The following SLCO1A2 variants were observed in gnomAD, a reference collection of about 807,000 sequenced individuals.
SLCO1A2 encodes OATP-1.
SLCO1A2 carries 67 observed loss-of-function variants against 69.0 expected under a neutral mutation model. That is an observed-to-expected ratio of 0.97 (90% confidence interval 0.80 to 1.19). SLCO1A2 has a LOEUF of 1.19. Among genes scored for constraint, SLCO1A2 ranks in the 50% most tolerant of loss-of-function variants. The probability of loss-of-function intolerance (pLI) is 0.00; values close to 1 mark genes in which losing one functional copy is unlikely to be tolerated. For synonymous variants in SLCO1A2, 260 were observed against 265.9 expected, an observed-to-expected ratio of 0.98 and a Z score of 0.22; for missense variants, 787 against 793.7, an observed-to-expected ratio of 0.99 and a Z score of 0.10.
In SLCO1A2 at chr12:21,304,468, A is replaced by C; in HGVS notation, c.548T>G (p.Ile183Arg). ...TPILPLGISY[I>R]EDFAKFENSP... ...ATTTTCAAATTTGGCAAAATCTTCT[A>C]TATAGGAAATACCCAAAGGCAGGAT... Residue 183 changes from isoleucine to arginine, a missense_variant, in exon 6 of 15, where the codon ATA becomes AGA. Ile to Arg is a moderately conservative substitution (Grantham distance 97). Coordinates refer to ENST00000683939, the MANE Select transcript of SLCO1A2 (RefSeq NM_001386879.1). 2 of 1,612,928 alleles carry C rather than the reference A, an allele frequency of 1.2e-6. No homozygotes were observed. Among genetic ancestry groups the C allele is most frequent in the Non-Finnish European group, 1.7e-6 (2 of 1,178,980 alleles).
intron 4 of SLCO1A2, among the ~76,000 whole-genome samples, chr12:21,312,987 G>A (rs1224735982): frequency 6.6e-6 from 1 of 152,132 alleles, no homozygotes; most frequent in African/African-American, 2.4e-5. Context: ...TGGAGAGGCT[G>A]AAGTGAGAGG....
intron 14 of SLCO1A2, chr12:21,274,230 T>C (rs1036885580): frequency 4.1e-5 from 16 of 394,240 alleles, no homozygotes; most frequent in African/African-American, 3.2e-4. Context: ...CGAACAACAC[T>C]TTGAAAGCCA....
chr12:21,291,270 T>C (rs74064511), intron 12 of SLCO1A2, among the ~76,000 whole-genome samples: 1,542 of 152,266 alleles, frequency 0.01, 27 homozygotes, highest in African/African-American at 0.035. Context: ...CACACCACCA[T>C]TGTTGTGAAT....
At chr12:21,392,536 T>C (rs1480885620) in intron 1 of SLCO1A2, among the ~76,000 whole-genome samples, 1 of 152,160 alleles carries the variant, frequency 6.6e-6, no homozygotes, top group Non-Finnish European at 1.5e-5. Flanking sequence ...GAAGAAAGAA[T>C]AGCTTACCTC....
exon 1 of SLCO1A2, chr12:21,395,295 G>C (rs1022771279): frequency 6.5e-6 from 1 of 152,978 alleles, no homozygotes; most frequent in African/African-American, 2.4e-5. Context: ...ACTCCCACCC[G>C]AATACTGCGC....
intron 1 of SLCO1A2, chr12:21,378,253 C>T (rs1370833713): frequency 5.0e-6 from 8 of 1,613,986 alleles, no homozygotes; most frequent in African/African-American, 4.0e-5. Flanking sequence ...GGTGGAAAAG[C>T]GGAAATGCAA....
chr12:21,418,195 T>A (rs1591924366), upstream of SLCO1A2, among the ~76,000 whole-genome samples: 6 of 152,302 alleles, frequency 3.9e-5, 1 homozygote, highest in Admixed American at 3.9e-4. Flanking sequence ...ATGTTAGTGG[T>A]GCCCCTGGAT....
rs982843764 is a variant in SLCO1A2 at position 21,295,637 on chromosome 12, C to T, written c.1231G>A (p.Glu411Lys). Residue 411 changes from glutamate to lysine, a missense_variant, in exon 10 of 15, where the codon GAA becomes AAA. Coordinates refer to ENST00000683939, the MANE Select transcript of SLCO1A2 (RefSeq NM_001386879.1). Reference protein sequence around the residue: ...LYFLSFLMTCENSSVVGINTS... With the variant: ...LYFLSFLMTCKNSSVVGINTS... ...TTTATTCCAACAACTGAAGAATTTTCACAAGTCATGAGAAAAGATAAAAAA... is the reference window on the plus strand; with the variant it reads ...TTTATTCCAACAACTGAAGAATTTTTACAAGTCATGAGAAAAGATAAAAAA... The T allele has an allele frequency of 6.2e-7, 1 of 1,603,012 alleles. No individual in the cohort carries two copies. The highest frequency in any genetic ancestry group is 8.5e-7 in the Non-Finnish European group (1 of 1,170,408).
intron 2 of SLCO1A2, among the ~76,000 whole-genome samples, chr12:21,353,940 G>A (rs1463927145): frequency 6.6e-6 from 1 of 152,102 alleles, no homozygotes; most frequent in Non-Finnish European, 1.5e-5. Flanking sequence ...TGGCAGCTTT[G>A]GTGTGTGACA....
Position 21,334,671 on chromosome 12 carries a change from C to G in SLCO1A2, c.-24G>C. On this transcript the variant is annotated 5_prime_UTR_variant, in exon 2 of 15. Coordinates refer to ENST00000683939, the MANE Select transcript of SLCO1A2 (RefSeq NM_001386879.1). ...ATGTTGCTCTTCAGGGTGTTCCAAG[C>G]TATTTATGTTTTAAATCTTGATATG... 6.3e-7 allele frequency: 1 copy of G among 1,595,732 alleles called. No individual in the cohort carries two copies. Among genetic ancestry groups the G allele is most frequent in the Non-Finnish European group, 8.5e-7 (1 of 1,170,312 alleles).
At chr12:21,388,183 G>C (rs1054425239) in intron 1 of SLCO1A2, among the ~76,000 whole-genome samples, 3 of 151,564 alleles carry the variant, frequency 2.0e-5, no homozygotes, top group Non-Finnish European at 2.9e-5. Context: ...ATAAGACTTT[G>C]GACTTGGACT....
chr12:21,304,105 T>C (rs971801619), intron 6 of SLCO1A2, among the ~76,000 whole-genome samples: 2 of 152,210 alleles, frequency 1.3e-5, no homozygotes, highest in Non-Finnish European at 2.9e-5. Flanking sequence ...AGGTTTTGAA[T>C]GCACAGAACA....
chr12:21,344,843 T>C (rs1953201539), intron 2 of SLCO1A2, among the ~76,000 whole-genome samples: 1 of 152,062 alleles, frequency 6.6e-6, no homozygotes, highest in South Asian at 2.1e-4. Context: ...TTTCTTTACA[T>C]TGAACTCAAA....
intron 2 of SLCO1A2, chr12:21,373,717 G>A (rs12319824): frequency 0.2 from 140,797 of 700,114 alleles, 16,242 homozygotes; most frequent in African/African-American, 0.43. Flanking sequence ...AACATGAAGC[G>A]GGAAAAAAAT....
chr12:21,308,543 G>A (rs905787400), intron 4 of SLCO1A2, among the ~76,000 whole-genome samples: 2 of 152,156 alleles, frequency 1.3e-5, no homozygotes, highest in Non-Finnish European at 2.9e-5. Context: ...AGCTGAAAAT[G>A]TTCATTGACT....
intron 1 of SLCO1A2, among the ~76,000 whole-genome samples, chr12:21,377,348 CT>C (rs1314109240): frequency 6.6e-6 from 1 of 152,062 alleles, no homozygotes; most frequent in Non-Finnish European, 1.5e-5. Context: ...ATGATATTCT[CT>C]TTTTTTGACA....
At chr12:21,363,463 C>A (rs1256807967) in intron 2 of SLCO1A2, among the ~76,000 whole-genome samples, 1 of 152,066 alleles carries the variant, frequency 6.6e-6, no homozygotes, top group African/African-American at 2.4e-5. Flanking sequence ...TAAATTGACA[C>A]CCTAACATCA....
intron 5 of SLCO1A2, among the ~76,000 whole-genome samples, chr12:21,305,695 A>C (rs1176438461): frequency 6.6e-6 from 1 of 152,262 alleles, no homozygotes; most frequent in Non-Finnish European, 1.5e-5. Flanking sequence ...TAGCCCGCTC[A>C]GGAAGAGAAC....
rs117875069 is a variant in SLCO1A2, at chr12:21,353,805, T to C, written c.-62-19096A>G. Among the ~76,000 whole-genome samples, 383 of 152,332 alleles carry C rather than the reference T, an allele frequency of 2.5e-3. 2 individuals carry two copies. Among genetic ancestry groups the C allele is most frequent in the Non-Finnish European group, 4.6e-3 (314 of 68,034 alleles). ...AGCCAGGCTAATGGCTATTCTCAAG[T>C]GGTCATTCACAGCTATTTGCCAGTG... On this transcript the variant is annotated intron_variant, in intron 2 of 15. Transcript: ENST00000307378.
Sources: gnomAD v4.1 joint callset for allele counts (sites outside exome capture counted in the v4.1 genomes callset) on GRCh38, gnomAD v4.1.1 for gene constraint, MANE v1.5 for transcripts, NCBI Gene and HGNC (gene_info 2026-07-23, HGNC 2026-07-21) for gene names.